The following NAV3 variants were observed in gnomAD, a reference collection of about 807,000 sequenced individuals.
NAV3 encodes pore membrane and/or filament interacting like protein 1.
A neutral mutation model predicts 244.7 loss-of-function variants in NAV3; 87 were observed. That is an observed-to-expected ratio of 0.36 (90% CI 0.30 to 0.42). The LOEUF is 0.42. Ranked by LOEUF, NAV3 falls within the 20% of genes least tolerant of loss-of-function variation. The pLI is 1.00. For missense variants in NAV3, 2,663 were observed against 2,893.3 expected, an observed-to-expected ratio of 0.92 and a Z score of 1.83; for synonymous variants, 1,126 against 1,042.2, an observed-to-expected ratio of 1.08 and a Z score of -1.55.
At chr12:78,143,522 T>C in intron 20 of NAV3, 1 of 285,198 alleles carries the variant, frequency 3.5e-6, no homozygotes, top group South Asian at 2.6e-5. Context: ...TCCCAGCTAT[T>C]TGGGAGGCTG....
intron 1 of NAV3, among the ~76,000 whole-genome samples, chr12:77,852,482 C>T (rs1056132117): frequency 6.6e-5 from 10 of 152,026 alleles, no homozygotes; most frequent in African/African-American, 2.4e-4. Context: ...GAGGTTGTAG[C>T]GAGCTGAGAT....
chr12:77,610,965 A>G (rs747697787), intron 2 of NAV3, among the ~76,000 whole-genome samples: 14 of 151,692 alleles, frequency 9.2e-5, no homozygotes, highest in Non-Finnish European at 1.3e-4. Flanking sequence ...AGGATGTCCA[A>G]TCTTCAGATA....
intron 12 of NAV3, among the ~76,000 whole-genome samples, chr12:78,106,863 A>G (rs1275647256): frequency 1.3e-5 from 2 of 152,168 alleles, no homozygotes; most frequent in Admixed American, 6.5e-5. Flanking sequence ...GGCCCACCTG[A>G]CACTGCAGTC....
intron 2 of NAV3, among the ~76,000 whole-genome samples, chr12:77,655,382 G>A (rs1435081884): frequency 1.3e-5 from 2 of 152,120 alleles, no homozygotes; most frequent in African/African-American, 2.4e-5. Flanking sequence ...TGAATGAAGT[G>A]AAGCGAGAAG....
chr12:78,026,345 G>A (rs867211255), intron 9 of NAV3, among the ~76,000 whole-genome samples: 5 of 152,016 alleles, frequency 3.3e-5, no homozygotes, highest in South Asian at 4.1e-4. Flanking sequence ...TATTAACCTA[G>A]CAAATTGTAC....
At chr12:77,968,951 T>A (rs1340866593) in intron 5 of NAV3, among the ~76,000 whole-genome samples, 1 of 152,334 alleles carries the variant, frequency 6.6e-6, no homozygotes. Flanking sequence ...CAGTGTGAAA[T>A]GTCTTTGGTG....
chr12:78,122,033 A>T lies in NAV3; in HGVS notation c.3843A>T (p.Thr1281=). Residue 1281 remains threonine, a synonymous_variant, in exon 16 of 40, where the codon ACA becomes ACT. Transcript: ENST00000397909. ...SSSVMPSPST[T]LARQGSLESP... ...CAGTAATGCCCAGCCCTAGTACCAC[A>T]TTAGCGCGGCAAGGCAGTCTGGAGT... 6.2e-7 allele frequency: 1 copy of T among 1,614,238 alleles called. No homozygotes were observed. Among genetic ancestry groups the T allele is most frequent in the Non-Finnish European group, 8.5e-7 (1 of 1,180,044 alleles).
At chr12:77,917,939 A>C (rs1044756226) in intron 1 of NAV3, among the ~76,000 whole-genome samples, 1 of 152,050 alleles carries the variant, frequency 6.6e-6, no homozygotes, top group Non-Finnish European at 1.5e-5. Context: ...ATAATTGATA[A>C]CTTCTCTTCT....
At chr12:77,960,941 C>A (rs1381434343) in intron 3 of NAV3, among the ~76,000 whole-genome samples, 1 of 145,898 alleles carries the variant, frequency 6.9e-6, no homozygotes, top group Non-Finnish European at 1.5e-5. Flanking sequence ...TATGTGTATA[C>A]ATGCCTATGT....
chr12:77,831,454 T>A lies in NAV3; in HGVS notation c.-8T>A, dbSNP rs1873673576. 6.3e-7 allele frequency: 1 copy of A among 1,577,286 alleles called. No individual in the cohort carries two copies. Among genetic ancestry groups the A allele is most frequent in the African/African-American group, 1.4e-5 (1 of 73,010 alleles). ...CTTTGGCAGCAAGAAGATAATTTTATAGAAGCCATGCCTGTTCTTGGGGTT... is the reference window on the plus strand; with the variant it reads ...CTTTGGCAGCAAGAAGATAATTTTAAAGAAGCCATGCCTGTTCTTGGGGTT... On this transcript the variant is annotated 5_prime_UTR_variant, in exon 1 of 40. Transcript: ENST00000397909.
At chr12:78,130,327 G>C (rs980357642) in intron 18 of NAV3, 3 of 205,248 alleles carry the variant, frequency 1.5e-5, no homozygotes, top group Admixed American at 8.8e-5. Context: ...AATTTCATGC[G>C]ATCATTTTTT....
intron 1 of NAV3, among the ~76,000 whole-genome samples, chr12:77,886,142 A>G (rs563861236): frequency 6.6e-6 from 1 of 152,158 alleles, no homozygotes; most frequent in South Asian, 2.1e-4. Flanking sequence ...GAGAAATGTA[A>G]ATCTGACCAT....
intron 5 of NAV3, among the ~76,000 whole-genome samples, chr12:77,987,463 A>C (rs1370908853): frequency 6.6e-6 from 1 of 152,172 alleles, no homozygotes; most frequent in African/African-American, 2.4e-5. Context: ...GTTATTAAGG[A>C]TGTAATAATG....
chr12:77,612,319 T>A (rs920551474), intron 2 of NAV3, among the ~76,000 whole-genome samples: 1 of 152,184 alleles, frequency 6.6e-6, no homozygotes, highest in Non-Finnish European at 1.5e-5. Context: ...AATTTTGAAT[T>A]TTTATAAAGT....
At chr12:78,094,214 T>G (rs558253296) in intron 12 of NAV3, among the ~76,000 whole-genome samples, 1 of 152,338 alleles carries the variant, frequency 6.6e-6, no homozygotes, top group Non-Finnish European at 1.5e-5. Flanking sequence ...TTATGCTATA[T>G]GTCTATTGAT....
At chr12:78,145,536 C>T (rs1401699265) in intron 20 of NAV3, among the ~76,000 whole-genome samples, 1 of 152,168 alleles carries the variant, frequency 6.6e-6, no homozygotes, top group African/African-American at 2.4e-5. Flanking sequence ...ATTATGCATT[C>T]TTCAGCTTTT....
At chr12:77,649,343 TAAG>T (rs1872728591) in intron 2 of NAV3, among the ~76,000 whole-genome samples, 1 of 152,118 alleles carries the variant, frequency 6.6e-6, no homozygotes, top group Admixed American at 6.6e-5. Context: ...TTTTTAGTAA[TAAG>T]AGAGGTAATT....
At chr12:77,602,253 T>C (rs967884859) in intron 2 of NAV3, among the ~76,000 whole-genome samples, 6 of 151,960 alleles carry the variant, frequency 3.9e-5, no homozygotes, top group African/African-American at 9.7e-5. Flanking sequence ...AACTTGGAAA[T>C]TGAATTATTA....
intron 2 of NAV3, among the ~76,000 whole-genome samples, chr12:77,745,193 A>G (rs1868474036): frequency 6.6e-6 from 1 of 152,080 alleles, no homozygotes; most frequent in Non-Finnish European, 1.5e-5. Context: ...CTGAGTATCA[A>G]ATTAGTCATT....
Sources: gnomAD v4.1 joint callset for allele counts (sites outside exome capture counted in the v4.1 genomes callset) on GRCh38, gnomAD v4.1.1 for gene constraint, MANE v1.5 for transcripts, NCBI Gene and HGNC (gene_info 2026-07-23, HGNC 2026-07-21) for gene names.